PTPRD: variants seen among roughly 807,000 people sequenced by gnomAD.
The protein encoded by PTPRD is protein tyrosine phosphatase receptor type D.
In PTPRD, 34 loss-of-function variants were observed where a neutral mutation model predicts 214.5. The ratio of observed to expected loss-of-function variants is 0.16; its 90% CI spans 0.12 to 0.21. The LOEUF is 0.21. Ranked by LOEUF, PTPRD falls within the 10% of genes least tolerant of loss-of-function variation. The probability of loss-of-function intolerance (pLI) is 1.00; values close to 1 mark genes in which losing one functional copy is unlikely to be tolerated. For synonymous variants in PTPRD, 1,128 were observed against 845.7 expected (o/e 1.33, Z -5.79); for missense variants, 2,545 against 2,398.7 (o/e 1.06, Z -1.27).
At chr9:8,742,391 G>A (rs1034981778) in intron 11 of PTPRD, among the ~76,000 whole-genome samples, 2 of 151,952 alleles carry the variant, frequency 1.3e-5, no homozygotes, top group African/African-American at 4.8e-5. Flanking sequence ...ATCTGTCTTG[G>A]CATTTTTCAA....
At chr9:10,099,758 G>A (rs2098532726) in intron 3 of PTPRD, among the ~76,000 whole-genome samples, 1 of 151,416 alleles carries the variant, frequency 6.6e-6, no homozygotes. Context: ...TGGAAGTGGA[G>A]CAAACTTATC....
At chr9:10,181,065 A>G (rs2099279585) in intron 3 of PTPRD, among the ~76,000 whole-genome samples, 1 of 152,102 alleles carries the variant, frequency 6.6e-6, no homozygotes. Context: ...GTAATGCTGT[A>G]AGTCAAGAAA....
At chr9:8,380,166 C>G (rs1011472072) in intron 37 of PTPRD, among the ~76,000 whole-genome samples, 3 of 152,056 alleles carry the variant, frequency 2.0e-5, no homozygotes, top group African/African-American at 4.8e-5. Context: ...TCAGCAGATA[C>G]TGATTTAGGA....
At chr9:9,304,361 TTAA>T (rs1956427854) in intron 9 of PTPRD, among the ~76,000 whole-genome samples, 7 of 152,142 alleles carry the variant, frequency 4.6e-5, no homozygotes, top group Non-Finnish European at 1.0e-4. Flanking sequence ...GAGCAAAGAC[TTAA>T]AGGAGGTGAA....
At chr9:8,898,745 A>G (rs956094954) in intron 11 of PTPRD, among the ~76,000 whole-genome samples, 4 of 152,134 alleles carry the variant, frequency 2.6e-5, no homozygotes, top group African/African-American at 9.7e-5. Context: ...TTGTTCAATT[A>G]TTACTAACAC....
At chr9:10,408,524 T>A (rs143693810) in intron 2 of PTPRD, among the ~76,000 whole-genome samples, 1 of 151,692 alleles carries the variant, frequency 6.6e-6, no homozygotes, top group Non-Finnish European at 1.5e-5. Flanking sequence ...AGAAAGCTGG[T>A]ATTTTTTAGG....
At chr9:8,561,160 T>C (rs1472282920) in intron 14 of PTPRD, among the ~76,000 whole-genome samples, 2 of 152,160 alleles carry the variant, frequency 1.3e-5, no homozygotes, top group Non-Finnish European at 2.9e-5. Context: ...TACTTATCCC[T>C]ACCCTTTCCT....
chr9:9,389,892 T>G (rs991688657), intron 9 of PTPRD, among the ~76,000 whole-genome samples: 1 of 152,294 alleles, frequency 6.6e-6, no homozygotes, highest in Non-Finnish European at 1.5e-5. Context: ...CTAGTTTCTA[T>G]AGATTCTAGT....
At position 8,913,892 on chromosome 9, in the gene PTPRD, T is replaced by G. The variant is rs942776885; in HGVS notation, c.-104+104805A>C. The stretch of plus-strand genomic sequence containing the variant: ...GACCATCTAAGTATTACCTGTTCAT[T>G]TATTTGTCTATTCAACAAATATTTA... On this transcript the variant is annotated intron_variant, in intron 11 of 45. Coordinates refer to ENST00000381196, the MANE Select transcript of PTPRD (RefSeq NM_002839.4). Among the ~76,000 whole-genome samples the G allele has an allele frequency of 3.2e-4, 48 of 152,310 alleles. 1 individual carries two copies. The highest frequency in any genetic ancestry group is 1.5e-3 in the Admixed American group (23 of 15,300).
At chr9:8,409,703 T>G (rs2093355240) in intron 35 of PTPRD, among the ~76,000 whole-genome samples, 1 of 152,220 alleles carries the variant, frequency 6.6e-6, no homozygotes. Flanking sequence ...AGTTGCTCTG[T>G]GTTTCACTTT....
intron 32 of PTPRD, 118 bp from the exon 33 acceptor site, chr9:8,460,689 G>T (rs1461692751): frequency 1.1e-6 from 1 of 951,316 alleles, no homozygotes; most frequent in African/African-American, 1.7e-5. Flanking sequence ...AGTGTGTGAT[G>T]CAATATTAGC....
At chr9:10,062,706 A>T (rs925681519) in intron 3 of PTPRD, among the ~76,000 whole-genome samples, 1 of 151,654 alleles carries the variant, frequency 6.6e-6, no homozygotes, top group African/African-American at 2.4e-5. Context: ...GGAAAGTAAT[A>T]TTTTTTTTCT....
In PTPRD at chr9:10,199,913, A is replaced by G. The variant is rs923278551; in HGVS notation, c.-545+141050T>C. On this transcript the variant is annotated intron_variant, in intron 3 of 45. Coordinates refer to ENST00000381196, the MANE Select transcript of PTPRD (RefSeq NM_002839.4). ...CATGGGCACTCGCGCGCACACACGCACACACACACACACACACACACATCC... is the reference window on the plus strand; with the variant it reads ...CATGGGCACTCGCGCGCACACACGCGCACACACACACACACACACACATCC... Among the ~76,000 whole-genome samples the G allele has an allele frequency of 2.0e-4, 30 of 147,116 alleles. No individual in the cohort carries two copies. The South Asian group carries it at 3.2e-3, about 16-fold the overall frequency.
At chr9:8,918,947 C>T (rs760063120) in intron 11 of PTPRD, among the ~76,000 whole-genome samples, 1 of 152,102 alleles carries the variant, frequency 6.6e-6, no homozygotes, top group Non-Finnish European at 1.5e-5. Flanking sequence ...AACCTCAGAA[C>T]ACCTACAAAG....
chr9:9,014,179 T>G (rs547289852), intron 11 of PTPRD, among the ~76,000 whole-genome samples: 2 of 114,960 alleles, frequency 1.7e-5, no homozygotes, highest in African/African-American at 6.7e-5. Flanking sequence ...ATTACCTCGT[T>G]TTTTTTTGTT....
chr9:10,206,116 A>C (rs1297109023), intron 3 of PTPRD, among the ~76,000 whole-genome samples: 1 of 152,116 alleles, frequency 6.6e-6, no homozygotes, highest in Non-Finnish European at 1.5e-5. Flanking sequence ...ATCTCAAAAA[A>C]AAAAAAAATT....
intron 23 of PTPRD, among the ~76,000 whole-genome samples, chr9:8,503,748 TAC>T (rs1245591051): frequency 4.6e-5 from 7 of 152,258 alleles, no homozygotes; most frequent in Non-Finnish European, 1.0e-4. Context: ...CCACAGGTAC[TAC>T]ACACAGAGTT....
At chr9:8,967,038 TA>T (rs1428177032) in intron 11 of PTPRD, among the ~76,000 whole-genome samples, 1 of 149,642 alleles carries the variant, frequency 6.7e-6, no homozygotes, top group Non-Finnish European at 1.5e-5. Flanking sequence ...AATAAACACA[TA>T]AAAAAATGCT....
chr9:10,278,726 ATAAAC>A (rs1254768828), intron 3 of PTPRD, among the ~76,000 whole-genome samples: 1 of 152,120 alleles, frequency 6.6e-6, no homozygotes, highest in African/African-American at 2.4e-5. Flanking sequence ...TTGAATATAT[ATAAAC>A]TTACATCTTA....
Sources: gnomAD v4.1 joint callset for allele counts (sites outside exome capture counted in the v4.1 genomes callset) on GRCh38, gnomAD v4.1.1 for gene constraint, MANE v1.5 for transcripts, NCBI Gene and HGNC (gene_info 2026-07-23, HGNC 2026-07-21) for gene names.